Variants in AXDND1 observed in about 807,000 individuals in gnomAD.
AXDND1 encodes axonemal dynein light chain domain containing 1.
In AXDND1, 110 loss-of-function variants were observed where a neutral mutation model predicts 137.5. The ratio of observed to expected loss-of-function variants is 0.80; its 90% CI spans 0.69 to 0.94. The LOEUF is 0.94. Among genes scored for constraint, AXDND1 ranks in the 40% least tolerant of loss-of-function variants. AXDND1 has a pLI of 0.00. For missense variants in AXDND1, 1,191 were observed against 1,169.8 expected, an observed-to-expected ratio of 1.02 and a Z score of -0.26; for synonymous variants, 414 against 399.7, an observed-to-expected ratio of 1.04 and a Z score of -0.43.
Position 179,445,195 on chromosome 1 carries a change from G to A in AXDND1, c.1789G>A (p.Gly597Arg). 6.4e-7 allele frequency: 1 copy of A among 1,552,102 alleles called. No individual in the cohort carries two copies. Among genetic ancestry groups the A allele is most frequent in the East Asian group, 2.3e-5 (1 of 43,660 alleles). Residue 597 changes from glycine to arginine, a missense_variant, in exon 16 of 26, where the codon GGG becomes AGG. Transcript: ENST00000367618. ...CAAAGAATATGAAATAAGAATAAAT[G>A]GGGACAATGGTAAGAAAATACTCAT... ...LYKEYEIRIN[G>R]DNGYSKILPS...
In AXDND1 at chr1:179,486,776, G is replaced by T. The variant is rs563631396; in HGVS notation, c.2091+3555G>T. 4.0e-5 allele frequency among the ~76,000 whole-genome samples: 6 copies of T among 148,830 alleles called. No individual in the cohort carries two copies. In the South Asian group the frequency reaches 1.3e-3, roughly 31 times the overall value. On this transcript the variant is annotated intron_variant, in intron 18 of 25. Transcript: ENST00000367618. ...TGAGATCCTTTTTAGACAAACAAAT[G>T]CTGAGGGAATTTTTTGTGACCAGAT...
intron 21 of AXDND1, among the ~76,000 whole-genome samples, chr1:179,524,380 G>T (rs1448050498): frequency 6.6e-6 from 1 of 152,008 alleles, no homozygotes; most frequent in Non-Finnish European, 1.5e-5. Context: ...TTAATTAAAG[G>T]CAGATGACTG....
intron 4 of AXDND1, among the ~76,000 whole-genome samples, chr1:179,377,505 C>T (rs181580849): frequency 1.3e-5 from 2 of 152,252 alleles, no homozygotes; most frequent in East Asian, 3.9e-4. Context: ...GTCAATGACT[C>T]AAGATTCCGT....
chr1:179,552,508 GC>G, intron 25 of AXDND1: 1 of 944,410 alleles, frequency 1.1e-6, no homozygotes, highest in East Asian at 2.5e-5. Flanking sequence ...TCTGCCCAGT[GC>G]CTAATGAATG....
At chr1:179,442,446 C>T (rs550272629) in intron 15 of AXDND1, among the ~76,000 whole-genome samples, 4 of 152,300 alleles carry the variant, frequency 2.6e-5, no homozygotes, top group Admixed American at 2.6e-4. Context: ...TGCTCTATCC[C>T]AATTTTCCAC....
intron 17 of AXDND1, among the ~76,000 whole-genome samples, chr1:179,470,933 A>T (rs1176017397): frequency 1.3e-5 from 2 of 151,930 alleles, no homozygotes; most frequent in African/African-American, 4.8e-5. Context: ...TCTATTCCTA[A>T]TTTGTTGCAT....
At chr1:179,518,181 A>G (rs1669719143) in intron 21 of AXDND1, among the ~76,000 whole-genome samples, 1 of 152,158 alleles carries the variant, frequency 6.6e-6, no homozygotes, top group East Asian at 1.9e-4. Flanking sequence ...TTTTTCTGCG[A>G]ACTGGTCCTA....
At chr1:179,497,705 A>G (rs1055558426) in intron 20 of AXDND1, among the ~76,000 whole-genome samples, 2 of 152,174 alleles carry the variant, frequency 1.3e-5, no homozygotes, top group African/African-American at 4.8e-5. Context: ...AAACAGGAAA[A>G]GAAGAAGTCA....
At chr1:179,439,152 C>T (rs917900968) in intron 15 of AXDND1, among the ~76,000 whole-genome samples, 2 of 152,086 alleles carry the variant, frequency 1.3e-5, no homozygotes, top group South Asian at 4.2e-4. Flanking sequence ...TGTTTTCTAG[C>T]CAGTGGACCA....
At chr1:179,512,081 T>C (rs1669111022) in intron 21 of AXDND1, among the ~76,000 whole-genome samples, 1 of 152,210 alleles carries the variant, frequency 6.6e-6, no homozygotes, top group African/African-American at 2.4e-5. Context: ...AAGCCCCAGC[T>C]ATTTATCTTT....
intron 16 of AXDND1, among the ~76,000 whole-genome samples, chr1:179,461,119 T>C (rs1257656091): frequency 6.6e-6 from 1 of 152,132 alleles, no homozygotes; most frequent in Non-Finnish European, 1.5e-5. Flanking sequence ...GTCATGAAGT[T>C]CTTGCCCATG....
intron 16 of AXDND1, 53 bp downstream of exon 16, chr1:179,445,257 T>C: frequency 8.2e-7 from 1 of 1,214,858 alleles, no homozygotes; most frequent in Non-Finnish European, 1.1e-6. Flanking sequence ...GTTTCCACAA[T>C]AATTATTTTC....
chr1:179,526,088 CCA>C (rs1235732767), intron 22 of AXDND1, among the ~76,000 whole-genome samples: 1 of 151,956 alleles, frequency 6.6e-6, no homozygotes, highest in Non-Finnish European at 1.5e-5. Context: ...CCCTTCATTG[CCA>C]CATTTTTTCA....
At chr1:179,484,184 G>A (rs1665757065) in intron 18 of AXDND1, among the ~76,000 whole-genome samples, 1 of 152,192 alleles carries the variant, frequency 6.6e-6, no homozygotes, top group Non-Finnish European at 1.5e-5. Flanking sequence ...CAGACAGCAG[G>A]ATATCCCAGG....
At chr1:179,379,186 T>A (rs1647793851) in intron 5 of AXDND1, among the ~76,000 whole-genome samples, 1 of 152,192 alleles carries the variant, frequency 6.6e-6, no homozygotes, top group Non-Finnish European at 1.5e-5. Context: ...ACCAAGGTTA[T>A]TCTTTAATTT....
At chr1:179,456,755 A>G in intron 16 of AXDND1, 1 of 782,328 alleles carries the variant, frequency 1.3e-6, no homozygotes, top group South Asian at 1.3e-5. Flanking sequence ...AACTACTTTG[A>G]CCTCTTTGGC....
intron 11 of AXDND1, among the ~76,000 whole-genome samples, chr1:179,398,526 C>T (rs1651423987): frequency 6.6e-6 from 1 of 152,172 alleles, no homozygotes; most frequent in Non-Finnish European, 1.5e-5. Flanking sequence ...TTGGCTGCAA[C>T]AGGTGCTGGG....
intron 25 of AXDND1, among the ~76,000 whole-genome samples, chr1:179,538,044 T>C (rs2125717102): frequency 6.6e-6 from 1 of 152,332 alleles, no homozygotes; most frequent in Admixed American, 6.5e-5. Flanking sequence ...TGATATCCCC[T>C]TTATCATTTT....
In AXDND1 at chr1:179,492,290, G is replaced by T. The variant is rs552554755; in HGVS notation, c.2291+553G>T. Among the ~76,000 whole-genome samples, 42 of 152,120 alleles carry T rather than the reference G, an allele frequency of 2.8e-4. 1 individual carries two copies. Among genetic ancestry groups the T allele is most frequent in the Admixed American group, 2.7e-3 (41 of 15,284 alleles). ...GAGTTTTGCCATGTTGGCCAGGCTG[G>T]TCTCGAACTCCTGATCTCAAGTGAT... On this transcript the variant is annotated intron_variant, in intron 19 of 25. Transcript: ENST00000367618.
Sources: allele counts gnomAD v4.1 joint callset (sites outside exome capture counted in the v4.1 genomes callset), GRCh38; gene constraint gnomAD v4.1.1; transcripts MANE v1.5; gene names NCBI Gene and HGNC (gene_info 2026-07-23, HGNC 2026-07-21).